The following SPOCK1 variants were observed in gnomAD, a reference collection of about 807,000 sequenced individuals.
The protein encoded by SPOCK1 is testican-1.
Under a neutral mutation model 55.3 loss-of-function variants are expected in SPOCK1, and 23 were observed. That is an observed-to-expected ratio of 0.42 (90% CI 0.30 to 0.59). The LOEUF (loss-of-function observed/expected upper bound fraction) is 0.59. SPOCK1 is among the 20% of genes least tolerant of loss of function. SPOCK1 has a pLI of 0.22. For synonymous variants in SPOCK1, 226 were observed against 221.0 expected, an observed-to-expected ratio of 1.02 and a Z score of -0.20; for missense variants, 499 against 552.5, an observed-to-expected ratio of 0.90 and a Z score of 0.97.
In SPOCK1 at chr5:136,978,686, C is replaced by T; in HGVS notation, c.1288G>A (p.Asp430Asn). 6.2e-7 allele frequency: 1 copy of T among 1,612,588 alleles called. No individual in the cohort carries two copies. The highest frequency in any genetic ancestry group is 1.1e-5 in the South Asian group (1 of 90,798). ...ATGTACCCGACCTCATCCTCTTTGT[C>T]ATCATCCTCATCCTCATCATCCTCT... ...VTEDDEDEDD[D>N]KEDEVGYIW is the part of the protein sequence containing the mutation. Residue 430 changes from aspartate (D) to asparagine (N), a missense_variant, in exon 11 of 11, where the codon GAC becomes AAC. By Grantham distance (23) the Asp-to-Asn change is conservative. Transcript: ENST00000394945.
chr5:137,406,612 C>G (rs940049396), intron 2 of SPOCK1, among the ~76,000 whole-genome samples: 8 of 152,228 alleles, frequency 5.3e-5, no homozygotes, highest in Admixed American at 4.6e-4. Flanking sequence ...AGAATACTGA[C>G]TACATGCCAG....
chr5:137,266,047 T>C (rs1036111890), intron 3 of SPOCK1, among the ~76,000 whole-genome samples: 4 of 152,204 alleles, frequency 2.6e-5, no homozygotes, highest in African/African-American at 9.6e-5. Flanking sequence ...AATACCATTT[T>C]TGCTTACGAG....
chr5:137,428,958 G>A (rs1419133587), intron 2 of SPOCK1, among the ~76,000 whole-genome samples: 1 of 152,140 alleles, frequency 6.6e-6, no homozygotes, highest in Non-Finnish European at 1.5e-5. Flanking sequence ...TCCCCAACCT[G>A]TTTTCATCCT....
chr5:137,422,039 T>C (rs529284176), intron 2 of SPOCK1, among the ~76,000 whole-genome samples: 44 of 152,364 alleles, frequency 2.9e-4, no homozygotes, highest in Non-Finnish European at 5.4e-4. Context: ...AAGGATTTTA[T>C]TTCTCCTTCA....
intron 5 of SPOCK1, among the ~76,000 whole-genome samples, chr5:137,093,236 T>C (rs940207795): frequency 4.6e-5 from 7 of 152,144 alleles, no homozygotes; most frequent in Non-Finnish European, 7.3e-5. Flanking sequence ...CTGTGCTCTC[T>C]TTGTCTCCCT....
intron 2 of SPOCK1, among the ~76,000 whole-genome samples, chr5:137,384,587 T>TGTA (rs1491337279): frequency 3.4e-4 from 24 of 70,874 alleles, no homozygotes; most frequent in African/African-American, 8.8e-4. Context: ...TATGTATGTA[T>TGTA]TTTTTTTTCC....
chr5:137,271,853 T>C (rs1459004157), intron 2 of SPOCK1, among the ~76,000 whole-genome samples: 1 of 152,160 alleles, frequency 6.6e-6, no homozygotes, highest in Non-Finnish European at 1.5e-5. Flanking sequence ...ATGAAACCGA[T>C]CGTTTCTCCT....
chr5:137,374,658 A>G (rs1440355734), intron 2 of SPOCK1, among the ~76,000 whole-genome samples: 2 of 152,164 alleles, frequency 1.3e-5, no homozygotes, highest in Admixed American at 1.3e-4. Context: ...GACACTGACT[A>G]CAGTGATGAC....
intron 2 of SPOCK1, among the ~76,000 whole-genome samples, chr5:137,436,627 AAAAGAAAG>A (rs1276282905): frequency 2.0e-5 from 3 of 152,314 alleles, no homozygotes; most frequent in East Asian, 1.9e-4. Flanking sequence ...ACAATCCAAA[AAAAGAAAG>A]AAAGAAAGAA....
At chr5:136,984,595 ACACATTCACTCAACC>A (rs921471453) in intron 9 of SPOCK1, among the ~76,000 whole-genome samples, 3 of 152,168 alleles carry the variant, frequency 2.0e-5, no homozygotes, top group African/African-American at 7.2e-5. Context: ...TTAGGGGAAC[ACACATTCACTCAACC>A]CACTTGCTTC....
intron 3 of SPOCK1, among the ~76,000 whole-genome samples, chr5:137,251,063 T>G (rs1756515747): frequency 6.6e-6 from 1 of 152,174 alleles, no homozygotes; most frequent in Admixed American, 6.5e-5. Context: ...TGTTTCAACA[T>G]AGATTGCTGG....
Position 137,188,258 on chromosome 5 carries a change from T to C in SPOCK1, c.233-47564A>G, listed in dbSNP as rs114675280. Among the ~76,000 whole-genome samples the C allele has an allele frequency of 4.5e-3, 682 of 152,336 alleles. 4 individuals carry two copies. Among genetic ancestry groups the C allele is most frequent in the African/African-American group, 0.016 (669 of 41,576 alleles). ...ACACGTGGCCACCACTTTCTGCCTA[T>C]ACAGCATATCTTATCTTATGGCGCT... On this transcript the variant is annotated intron_variant, in intron 3 of 10. Transcript: ENST00000394945.
intron 6 of SPOCK1, among the ~76,000 whole-genome samples, chr5:137,009,056 G>A (rs368040965): frequency 7.9e-5 from 12 of 152,032 alleles, no homozygotes; most frequent in South Asian, 2.1e-4. Flanking sequence ...TTTTTACTTC[G>A]ATAAGTCTAA....
At position 137,142,220 on chromosome 5, in the gene SPOCK1, C is replaced by A. The variant is rs1271052827; in HGVS notation, c.233-1526G>T. Among the ~76,000 whole-genome samples the A allele has an allele frequency of 3.9e-5, 6 of 152,296 alleles. No homozygotes were observed. In the East Asian group the frequency reaches 1.2e-3, roughly 29 times the overall value. ...GAAATGACATGGTCAAAAAACCAAA[C>A]CAAAACAAACACAAAGAAATGTCAC... is the stretch of plus-strand genomic sequence containing the variant. On this transcript the variant is annotated intron_variant, in intron 3 of 10. Transcript: ENST00000394945.
intron 2 of SPOCK1, among the ~76,000 whole-genome samples, chr5:137,388,345 A>C (rs1751639886): frequency 7.4e-6 from 1 of 135,874 alleles, no homozygotes; most frequent in Non-Finnish European, 1.6e-5. Context: ...TCTTTCAAAA[A>C]TTGTGCCAAG....
intron 2 of SPOCK1, among the ~76,000 whole-genome samples, chr5:137,365,746 T>C (rs1751046455): frequency 6.6e-6 from 1 of 152,176 alleles, no homozygotes; most frequent in South Asian, 2.1e-4. Flanking sequence ...GGATCTTGCT[T>C]TAAAAATCTC....
intron 2 of SPOCK1, among the ~76,000 whole-genome samples, chr5:137,442,794 T>A (rs1371619268): frequency 1.3e-5 from 2 of 152,096 alleles, no homozygotes; most frequent in African/African-American, 4.8e-5. Context: ...AGAAAATGAG[T>A]TTGTTGCTAG....
At chr5:137,048,707 C>A (rs1473665126) in intron 6 of SPOCK1, among the ~76,000 whole-genome samples, 1 of 68,656 alleles carries the variant, frequency 1.5e-5, no homozygotes, top group African/African-American at 6.1e-5. Context: ...TGATTTTGCT[C>A]GTTAGTTGAT....
chr5:137,165,791 CTTTTAATAG>C (rs1561633621), intron 3 of SPOCK1, among the ~76,000 whole-genome samples: 1 of 152,020 alleles, frequency 6.6e-6, no homozygotes, highest in Non-Finnish European at 1.5e-5. Context: ...GCATCAGAGT[CTTTTAATAG>C]CAGAATTGAT....
Sources: gnomAD v4.1 joint callset for allele counts (sites outside exome capture counted in the v4.1 genomes callset) on GRCh38, gnomAD v4.1.1 for gene constraint, MANE v1.5 for transcripts, NCBI Gene and HGNC (gene_info 2026-07-23, HGNC 2026-07-21) for gene names.